The following ALDH18A1 variants were observed in gnomAD, a reference collection of about 807,000 sequenced individuals.
ALDH18A1 encodes aldehyde dehydrogenase 18 family member A1, also known as delta-1-pyrroline-5-carboxylate synthase.
ALDH18A1 carries 44 observed loss-of-function variants against 88.8 expected under a neutral mutation model. The observed-to-expected ratio is 0.50, with a 90% CI of 0.39 to 0.64. The LOEUF (loss-of-function observed/expected upper bound fraction) is 0.64. Among genes scored for constraint, ALDH18A1 ranks in the 30% least tolerant of loss-of-function variants. The pLI is 0.00. For synonymous variants in ALDH18A1, 331 were observed against 372.1 expected, an observed-to-expected ratio of 0.89 and a Z score of 1.27; for missense variants, 782 against 1,009.5, an observed-to-expected ratio of 0.77 and a Z score of 3.05.
chr10:95,653,457 A>T, intron 1 of ALDH18A1, 52 bp from the exon 2 acceptor site: 1 of 1,457,922 alleles, frequency 6.9e-7, no homozygotes, highest in Non-Finnish European at 9.6e-7. Flanking sequence ...TGGACAATTC[A>T]TTTTATTTCC....
intron 12 of ALDH18A1, among the ~76,000 whole-genome samples, chr10:95,619,608 G>GTTCTGT (rs1311617295): frequency 2.0e-4 from 31 of 152,094 alleles, no homozygotes; most frequent in Non-Finnish European, 4.0e-4. Context: ...CAATGGAACA[G>GTTCTGT]AACAGAGGCC....
At chr10:95,629,377 C>T (rs1314198074) in intron 7 of ALDH18A1, among the ~76,000 whole-genome samples, 2 of 152,264 alleles carry the variant, frequency 1.3e-5, no homozygotes, top group East Asian at 1.9e-4. Flanking sequence ...TATTCCAAAT[C>T]TTTAAGACAA....
At chr10:95,618,733 T>A (rs372001909) in intron 12 of ALDH18A1, among the ~76,000 whole-genome samples, 8 of 152,318 alleles carry the variant, frequency 5.3e-5, no homozygotes, top group South Asian at 4.1e-4. Flanking sequence ...GCCAAGCCAG[T>A]TATTCATGAA....
At chr10:95,652,928 T>G (rs2097912666) in intron 2 of ALDH18A1, among the ~76,000 whole-genome samples, 2 of 151,810 alleles carry the variant, frequency 1.3e-5, no homozygotes, top group African/African-American at 2.4e-5. Context: ...GGCTCACGCC[T>G]GTAATCCCAG....
At chr10:95,642,368 C>T (rs2097893359) in intron 3 of ALDH18A1, among the ~76,000 whole-genome samples, 1 of 152,224 alleles carries the variant, frequency 6.6e-6, no homozygotes, top group African/African-American at 2.4e-5. Context: ...AGGCCCAGCA[C>T]TTTGGGAGGC....
chr10:95,630,042 G>GAC, intron 7 of ALDH18A1, among the ~76,000 whole-genome samples: 1 of 151,826 alleles, frequency 6.6e-6, no homozygotes, highest in East Asian at 1.9e-4. Flanking sequence ...CTTGCTATGT[G>GAC]ACTTCAGATA....
At chr10:95,624,989 A>T (rs1589513695) in intron 11 of ALDH18A1, among the ~76,000 whole-genome samples, 1 of 152,362 alleles carries the variant, frequency 6.6e-6, no homozygotes, top group East Asian at 1.9e-4. Flanking sequence ...TATGAAGATT[A>T]AATGACATCC....
At chr10:95,623,584 A>T (rs1318848979) in intron 11 of ALDH18A1, among the ~76,000 whole-genome samples, 1 of 146,302 alleles carries the variant, frequency 6.8e-6, no homozygotes, top group Non-Finnish European at 1.5e-5. Flanking sequence ...TTTTTTTTTG[A>T]GATGGAGTTT....
intron 11 of ALDH18A1, among the ~76,000 whole-genome samples, chr10:95,622,648 C>T (rs2097854580): frequency 1.3e-5 from 2 of 152,190 alleles, no homozygotes; most frequent in Admixed American, 1.3e-4. Context: ...AGCCATTCTC[C>T]TGCCTCAGCC....
intron 11 of ALDH18A1, among the ~76,000 whole-genome samples, chr10:95,621,518 G>A (rs2097852624): frequency 1.3e-5 from 2 of 151,952 alleles, no homozygotes; most frequent in Admixed American, 6.6e-5. Flanking sequence ...CACCAGGTTG[G>A]CCAGGTTGAT....
At chr10:95,632,145 T>G (rs1206101558) in intron 7 of ALDH18A1, among the ~76,000 whole-genome samples, 1 of 152,182 alleles carries the variant, frequency 6.6e-6, no homozygotes. Context: ...TAGTATATGA[T>G]GCCATTTAAA....
chr10:95,628,504 A>C lies in ALDH18A1; in HGVS notation c.809-12T>G. The C allele has an allele frequency of 6.2e-7, 1 of 1,611,932 alleles. No individual in the cohort carries two copies. Among genetic ancestry groups the C allele is most frequent in the Non-Finnish European group, 8.5e-7 (1 of 1,179,850 alleles). ...GCTGTCAAAAAGGCCTAAAAAATAG[A>C]CAAGAGTCAGTAATACTGCTTTGAT... On this transcript the variant is annotated splice_polypyrimidine_tract_variant and intron_variant, in intron 7 of 17. Coordinates refer to ENST00000371224, the MANE Select transcript of ALDH18A1 (RefSeq NM_002860.4).
intron 5 of ALDH18A1, among the ~76,000 whole-genome samples, chr10:95,635,829 T>C (rs1418887636): frequency 6.6e-6 from 1 of 152,200 alleles, no homozygotes; most frequent in Non-Finnish European, 1.5e-5. Context: ...GTTTCATCCC[T>C]GGGAAAAACC....
At chr10:95,629,262 C>T (rs2097864697) in intron 7 of ALDH18A1, among the ~76,000 whole-genome samples, 1 of 152,084 alleles carries the variant, frequency 6.6e-6, no homozygotes, top group Non-Finnish European at 1.5e-5. Flanking sequence ...CTAAAGTGGA[C>T]ACAGATGGGG....
At chr10:95,656,398 T>C (rs2097918138) in intron 1 of ALDH18A1, 199 bp downstream of exon 1, 1 of 113,710 alleles carries the variant, frequency 8.8e-6, no homozygotes, top group Non-Finnish European at 2.2e-5. Flanking sequence ...CAGCGCGCCC[T>C]GGGCGGCCCG....
At chr10:95,619,027 G>C (rs950130441) in intron 12 of ALDH18A1, among the ~76,000 whole-genome samples, 3 of 151,798 alleles carry the variant, frequency 2.0e-5, no homozygotes, top group Non-Finnish European at 4.4e-5. Flanking sequence ...TCTTTTTTTT[G>C]GTTAAAAGAC....
At chr10:95,619,735 A>G (rs1042481778) in intron 12 of ALDH18A1, among the ~76,000 whole-genome samples, 3 of 152,242 alleles carry the variant, frequency 2.0e-5, no homozygotes, top group Non-Finnish European at 4.4e-5. Context: ...GGCTAGCCAT[A>G]TGTAGAGAGC....
chr10:95,643,222 T>A lies in ALDH18A1; in HGVS notation c.89-16A>T. 3 of 1,612,904 alleles carry A rather than the reference T, an allele frequency of 1.9e-6. No homozygotes were observed. In the South Asian group the frequency reaches 3.3e-5, roughly 18 times the overall value. On this transcript the variant is annotated splice_polypyrimidine_tract_variant and intron_variant, in intron 2 of 17. Transcript: ENST00000371224. ...TGGATACAATCTGTAGCCATCAAAG[T>A]CAAATGCAAGAAAAAAAGAAATACT...
At chr10:95,617,724 C>T (rs1369258853) in intron 12 of ALDH18A1, among the ~76,000 whole-genome samples, 1 of 152,158 alleles carries the variant, frequency 6.6e-6, no homozygotes, top group Non-Finnish European at 1.5e-5. Flanking sequence ...AGGGCTGAGT[C>T]CAGATGAGGA....
Sources: allele counts gnomAD v4.1 joint callset (sites outside exome capture counted in the v4.1 genomes callset), GRCh38; gene constraint gnomAD v4.1.1; transcripts MANE v1.5; gene names NCBI Gene and HGNC (gene_info 2026-07-23, HGNC 2026-07-21).